Variants in TBC1D15 observed in about 807,000 individuals in gnomAD.
TBC1D15 encodes the protein GAP for RAB7.
In TBC1D15, 39 loss-of-function variants were observed where a neutral mutation model predicts 95.4. The observed-to-expected ratio is 0.41, with a 90% confidence interval of 0.32 to 0.53. The LOEUF (loss-of-function observed/expected upper bound fraction) is 0.53, where lower values mean the gene tolerates loss of function less well. Ranked by LOEUF, TBC1D15 falls within the 20% of genes least tolerant of loss-of-function variation. TBC1D15 has a pLI of 0.29. For synonymous variants in TBC1D15, 258 were observed against 261.3 expected (o/e 0.99, Z 0.12); for missense variants, 733 against 794.3 (o/e 0.92, Z 0.93).
In TBC1D15 at chr12:71,896,706, A is replaced by G. The variant is rs1898258188; in HGVS notation, c.1014A>G (p.Ala338=). Reference sequence around the variant, plus strand: ...TTAGTCATGCATTGAGAAAGCAAGCATGGAAATTTCTTCTGGGTTATTTTC... The same window carrying G: ...TTAGTCATGCATTGAGAAAGCAAGCGTGGAAATTTCTTCTGGGTTATTTTC... ...GGLSHALRKQ[A]WKFLLGYFPW... The change falls in exon 9 of 17, where the codon GCA becomes GCG. Residue 338 remains alanine, a synonymous_variant. Coordinates refer to ENST00000485960, the MANE Select transcript of TBC1D15 (RefSeq NM_001146213.3). 8 of 1,612,992 alleles carry G rather than the reference A, an allele frequency of 5.0e-6. No individual in the cohort carries two copies. The highest frequency in any genetic ancestry group is 1.3e-5 in the African/African-American group (1 of 74,878).
chr12:71,889,457 C>T (rs1896843030), intron 5 of TBC1D15, among the ~76,000 whole-genome samples: 1 of 152,174 alleles, frequency 6.6e-6, no homozygotes, highest in Admixed American at 6.5e-5. Flanking sequence ...TATTCTCCTT[C>T]CTGTCACAAA....
chr12:71,892,735 A>G (rs1177289063), intron 5 of TBC1D15, among the ~76,000 whole-genome samples: 1 of 151,696 alleles, frequency 6.6e-6, no homozygotes, highest in Non-Finnish European at 1.5e-5. Flanking sequence ...TACATTTTTA[A>G]CATCTTATAT....
intron 1 of TBC1D15, among the ~76,000 whole-genome samples, chr12:71,840,328 A>G (rs994429796): frequency 6.6e-6 from 1 of 152,186 alleles, no homozygotes; most frequent in Non-Finnish European, 1.5e-5. Context: ...GTTTTTACCA[A>G]GCTGCTGAGT....
intron 4 of TBC1D15, among the ~76,000 whole-genome samples, chr12:71,883,349 G>A (rs921217991): frequency 9.9e-5 from 15 of 152,248 alleles, no homozygotes; most frequent in African/African-American, 3.4e-4. Context: ...AAGTAGTCAA[G>A]TGGGCACATG....
At chr12:71,890,425 TAGATC>T (rs887776472) in intron 5 of TBC1D15, among the ~76,000 whole-genome samples, 1 of 151,922 alleles carries the variant, frequency 6.6e-6, no homozygotes, top group African/African-American at 2.4e-5. Context: ...CCAAGAGAAT[TAGATC>T]AGATAACTTT....
intron 12 of TBC1D15, among the ~76,000 whole-genome samples, chr12:71,916,741 A>G (rs1334545480): frequency 6.6e-6 from 1 of 152,156 alleles, no homozygotes; most frequent in Admixed American, 6.5e-5. Flanking sequence ...TCAGAGCATC[A>G]GTTTTGGTGC....
chr12:71,849,627 T>C (rs942293570), intron 1 of TBC1D15: 12 of 594,888 alleles, frequency 2.0e-5, no homozygotes, highest in Admixed American at 4.6e-5. Context: ...CTAAGCTGCA[T>C]TGGAGACATC....
At chr12:71,889,011 A>G (rs1896763920) in intron 5 of TBC1D15, among the ~76,000 whole-genome samples, 1 of 152,174 alleles carries the variant, frequency 6.6e-6, no homozygotes, top group South Asian at 2.1e-4. Context: ...ATATGGCAAT[A>G]TAAAAGTATA....
rs1206992856 is a variant in TBC1D15, at chr12:71,850,984, C to CAA, written c.30+11196_30+11197dup. ...CTGGTGGCAGAGCAACACTCCATCTCAAAAAAAAAAAAAAAAAAAAAAAAG... is the reference window on the plus strand; with the variant it reads ...CTGGTGGCAGAGCAACACTCCATCTCAAAAAAAAAAAAAAAAAAAAAAAAAAG... On this transcript the variant is annotated intron_variant, in intron 1 of 16. Coordinates refer to ENST00000485960, the MANE Select transcript of TBC1D15 (RefSeq NM_001146213.3). Among the ~76,000 whole-genome samples the CAA allele has an allele frequency of 3.5e-3, 162 of 46,602 alleles. 2 individuals carry two copies. The highest frequency in any genetic ancestry group is 6.7e-3 in the East Asian group (9 of 1,334). The allele number at this position is 46,602 out of a possible 152,430, so 30.6% of individuals were successfully genotyped here.
chr12:71,892,862 T>C (rs1165775701), intron 5 of TBC1D15, among the ~76,000 whole-genome samples: 1 of 151,700 alleles, frequency 6.6e-6, no homozygotes, highest in Non-Finnish European at 1.5e-5. Flanking sequence ...TTCTTTAATT[T>C]TTATGATAAT....
At chr12:71,889,978 C>G (rs1896926391) in intron 5 of TBC1D15, among the ~76,000 whole-genome samples, 1 of 152,098 alleles carries the variant, frequency 6.6e-6, no homozygotes. Context: ...TGGTCTCATT[C>G]TTTTTATGGC....
At chr12:71,840,621 C>T (rs1473120614) in intron 1 of TBC1D15, among the ~76,000 whole-genome samples, 1 of 152,146 alleles carries the variant, frequency 6.6e-6, no homozygotes, top group South Asian at 2.1e-4. Context: ...ATAGTATTTC[C>T]CAGTGCAGGA....
At chr12:71,841,351 A>G (rs1042784034) in intron 1 of TBC1D15, 1 of 152,222 alleles carries the variant, frequency 6.6e-6, no homozygotes, top group Admixed American at 6.5e-5. Flanking sequence ...TGAGACTTAT[A>G]TTTAGTAATT....
intron 5 of TBC1D15, among the ~76,000 whole-genome samples, chr12:71,891,636 A>G (rs1337667013): frequency 2.0e-5 from 3 of 152,122 alleles, no homozygotes; most frequent in Non-Finnish European, 4.4e-5. Context: ...TGGAGCAGTC[A>G]GGTCTTTAAT....
intron 1 of TBC1D15, chr12:71,850,242 T>C (rs1887434820): frequency 3.7e-6 from 2 of 546,272 alleles, no homozygotes; most frequent in Non-Finnish European, 7.1e-6. Context: ...TTTTCTTCCT[T>C]TCAAAAGAAG....
intron 1 of TBC1D15, among the ~76,000 whole-genome samples, chr12:71,864,092 G>A (rs900146763): frequency 2.7e-5 from 4 of 150,000 alleles, no homozygotes; most frequent in Non-Finnish European, 4.4e-5. Flanking sequence ...TTTTTGAGAC[G>A]GAGTTTCCCT....
rs1898208179 is a variant in TBC1D15 at position 71,896,512 on chromosome 12, T to C, written c.985-165T>C. 8.0e-6 allele frequency: 5 copies of C among 626,068 alleles called. No individual in the cohort carries two copies. The South Asian group carries it at 1.1e-4, about 13-fold the overall frequency. The allele number at this position is 626,068 out of a possible 1,614,324, so 38.8% of individuals were successfully genotyped here. On this transcript the variant is annotated intron_variant, in intron 8 of 16. Transcript: ENST00000485960. ...AACTTTCTGGCAGCTGCTTACATCT[T>C]TTGGATCTAGAAGTAAAAAACAAGA...
chr12:71,860,644 A>G (rs1288279769), intron 1 of TBC1D15, among the ~76,000 whole-genome samples: 1 of 152,094 alleles, frequency 6.6e-6, no homozygotes, highest in Non-Finnish European at 1.5e-5. Flanking sequence ...TTTTTGGTAG[A>G]GCTTTTAGGG....
chr12:71,880,914 A>C (rs938674762), intron 4 of TBC1D15, among the ~76,000 whole-genome samples: 8 of 152,218 alleles, frequency 5.3e-5, no homozygotes, highest in African/African-American at 1.2e-4. Flanking sequence ...GAATTATAAT[A>C]ATCATGTTAT....
Sources: gnomAD v4.1 joint callset for allele counts (sites outside exome capture counted in the v4.1 genomes callset) on GRCh38, gnomAD v4.1.1 for gene constraint, MANE v1.5 for transcripts, NCBI Gene and HGNC (gene_info 2026-07-23, HGNC 2026-07-21) for gene names.